Variants in DIAPH2 observed in about 807,000 individuals in gnomAD.
The protein encoded by DIAPH2 is protein diaphanous homolog 2.
In DIAPH2, 35 loss-of-function variants were observed where a neutral mutation model predicts 92.7. That is an observed-to-expected ratio of 0.38 (90% confidence interval 0.29 to 0.50). The LOEUF (loss-of-function observed/expected upper bound fraction) is 0.50. DIAPH2 is among the 20% of genes least tolerant of loss of function. DIAPH2 has a pLI of 0.94. For missense variants in DIAPH2, 701 were observed against 819.5 expected, an observed-to-expected ratio of 0.86 and a Z score of 1.77; for synonymous variants, 301 against 280.4, an observed-to-expected ratio of 1.07 and a Z score of -0.73.
chrX:97,171,471 G>A (rs949065744), intron 22 of DIAPH2, among the ~76,000 whole-genome samples: 3 of 111,737 alleles, frequency 2.7e-5, no homozygotes, highest in Non-Finnish European at 1.9e-5. Flanking sequence ...GAGGGCTTAG[G>A]AATAGTTGTC....
rs748400103 is a variant in DIAPH2, at chrX:96,704,925, C to T, written c.132+19735C>T. Among the ~76,000 whole-genome samples, 13 of 108,318 alleles carry T rather than the reference C, an allele frequency of 1.2e-4. No individual in the cohort carries two copies. In the South Asian group the frequency reaches 1.6e-3, roughly 14 times the overall value. The allele number at this position is 108,318 out of a possible 115,157, so 94.1% of individuals were successfully genotyped here. ...CTGGGAACTTCTCTTCCTCCCTCCA[C>T]GTACTTACTCCAAGGGAAGAATGCA... is the stretch of plus-strand genomic sequence containing the variant. On this transcript the variant is annotated intron_variant, in intron 1 of 26. Coordinates refer to ENST00000324765, the MANE Select transcript of DIAPH2 (RefSeq NM_006729.5).
At chrX:96,816,300 A>G (rs1295641744) in intron 4 of DIAPH2, among the ~76,000 whole-genome samples, 1 of 112,066 alleles carries the variant, frequency 8.9e-6, no homozygotes, top group Non-Finnish European at 1.9e-5. Flanking sequence ...GGGAGTGCAG[A>G]TATCATTTGG....
chrX:96,889,417 A>G (rs1209603991), intron 5 of DIAPH2, among the ~76,000 whole-genome samples: 2 of 111,881 alleles, frequency 1.8e-5, no homozygotes, highest in African/African-American at 6.5e-5. Context: ...CACCATCTCT[A>G]TGATATTTAT....
intron 1 of DIAPH2, among the ~76,000 whole-genome samples, chrX:96,700,946 AT>A (rs2063851744): frequency 8.9e-6 from 1 of 112,244 alleles, no homozygotes; most frequent in South Asian, 3.7e-4. Flanking sequence ...ACCTAATTGT[AT>A]CTTCTTCCTT....
chrX:97,035,320 C>T (rs781599265), intron 17 of DIAPH2, among the ~76,000 whole-genome samples: 13 of 111,999 alleles, frequency 1.2e-4, no homozygotes, highest in Non-Finnish European at 1.9e-4. Context: ...AAGAGAAATT[C>T]AGGAGTTATG....
chrX:97,227,638 T>G (rs1326032503), intron 22 of DIAPH2, among the ~76,000 whole-genome samples: 1 of 112,090 alleles, frequency 8.9e-6, no homozygotes, highest in Non-Finnish European at 1.9e-5. Context: ...ATTCCAAGTC[T>G]TACAAAGTCA....
At chrX:97,365,592 T>G (rs1485315601) in intron 24 of DIAPH2, among the ~76,000 whole-genome samples, 1 of 111,656 alleles carries the variant, frequency 9.0e-6, no homozygotes, top group African/African-American at 3.3e-5. Context: ...CTACTTTCCC[T>G]GTTATGCCTT....
At chrX:96,799,446 G>A (rs949995897) in intron 4 of DIAPH2, among the ~76,000 whole-genome samples, 1 of 111,934 alleles carries the variant, frequency 8.9e-6, no homozygotes, top group African/African-American at 3.2e-5. Flanking sequence ...AGGTGTGTTC[G>A]GTTGTCTTTC....
At chrX:97,246,410 C>A (rs1203266747) in intron 22 of DIAPH2, among the ~76,000 whole-genome samples, 2 of 111,896 alleles carry the variant, frequency 1.8e-5, no homozygotes, top group Non-Finnish European at 3.8e-5. Flanking sequence ...CTTTCTTCTG[C>A]AATAAAGAAT....
chrX:97,497,521 G>A (rs182490328), intron 26 of DIAPH2, among the ~76,000 whole-genome samples: 14 of 108,681 alleles, frequency 1.3e-4, no homozygotes, highest in African/African-American at 4.4e-4. Context: ...ATTGTGTAAC[G>A]GAGGCCAGGC....
chrX:97,143,388 G>A (rs1023706028), intron 22 of DIAPH2, among the ~76,000 whole-genome samples: 8 of 109,878 alleles, frequency 7.3e-5, no homozygotes, highest in Middle Eastern at 9.5e-3. Context: ...TTTTTTCTAA[G>A]TTTTCTTTGT....
chrX:97,435,823 T>C (rs1307466960), intron 26 of DIAPH2, among the ~76,000 whole-genome samples: 1 of 105,557 alleles, frequency 9.5e-6, no homozygotes, highest in Non-Finnish European at 2.0e-5. Context: ...TTTTTTTTTT[T>C]TTGAGATGGA....
chrX:97,236,278 G>A (rs1480433410), intron 22 of DIAPH2, among the ~76,000 whole-genome samples: 1 of 111,792 alleles, frequency 8.9e-6, no homozygotes, highest in Admixed American at 9.5e-5. Flanking sequence ...TCCCTGAAGA[G>A]TTCAGGAATA....
intron 26 of DIAPH2, chrX:97,442,076 C>T (rs1414124615): frequency 1.8e-5 from 2 of 112,962 alleles, no homozygotes; most frequent in African/African-American, 6.4e-5. Context: ...TGTTCTCCTA[C>T]ACAATATTAT....
intron 22 of DIAPH2, among the ~76,000 whole-genome samples, chrX:97,217,834 T>C (rs2067895799): frequency 9.1e-6 from 1 of 109,895 alleles, no homozygotes; most frequent in African/African-American, 3.3e-5. Context: ...TAGTCCCAGC[T>C]ACTCGGGAGG....
intron 3 of DIAPH2, among the ~76,000 whole-genome samples, chrX:96,744,271 A>G (rs1172892004): frequency 1.8e-5 from 2 of 112,256 alleles, no homozygotes; most frequent in African/African-American, 3.2e-5. Flanking sequence ...TATTATTTCA[A>G]TTGATCCTTA....
chrX:96,762,382 G>C lies in DIAPH2; in HGVS notation c.447+4124G>C, dbSNP rs187717194. ...ACATGTGCATGTTTAGATGTAAAAT[G>C]CTTCTTTGTCTTCACATTATGTAGA... is the stretch of plus-strand genomic sequence containing the variant. On this transcript the variant is annotated intron_variant, in intron 4 of 26. Transcript: ENST00000324765. Among the ~76,000 whole-genome samples, 9 of 111,210 alleles carry C rather than the reference G, an allele frequency of 8.1e-5. No individual in the cohort carries two copies. In the East Asian group the frequency reaches 2.5e-3, roughly 31 times the overall value.
chrX:97,195,162 AT>A (rs1375284959), intron 22 of DIAPH2, among the ~76,000 whole-genome samples: 1 of 112,278 alleles, frequency 8.9e-6, no homozygotes, highest in Non-Finnish European at 1.9e-5. Flanking sequence ...AAAAAAAGTT[AT>A]AAACAAAATT....
At chrX:97,489,116 C>T (rs1339640693) in intron 26 of DIAPH2, among the ~76,000 whole-genome samples, 3 of 111,702 alleles carry the variant, frequency 2.7e-5, no homozygotes, top group Admixed American at 1.9e-4. Flanking sequence ...GTTTCATCAA[C>T]GTTATGTAGT....
Sources: gnomAD v4.1 joint callset for allele counts (sites outside exome capture counted in the v4.1 genomes callset) on GRCh38, gnomAD v4.1.1 for gene constraint, MANE v1.5 for transcripts, NCBI Gene and HGNC (gene_info 2026-07-23, HGNC 2026-07-21) for gene names.